The following NCOA7 variants were observed in gnomAD, a reference collection of about 807,000 sequenced individuals.
The protein encoded by NCOA7 is 140 kDa estrogen receptor-associated protein.
NCOA7 carries 45 observed loss-of-function variants against 104.3 expected under a neutral mutation model. The observed-to-expected ratio is 0.43, with a 90% CI of 0.34 to 0.55. The LOEUF is 0.55. Among genes scored for constraint, NCOA7 ranks in the 20% least tolerant of loss-of-function variants. NCOA7 has a pLI of 0.02. For missense variants in NCOA7, 1,041 were observed against 1,119.7 expected, an observed-to-expected ratio of 0.93 and a Z score of 1.00; for synonymous variants, 398 against 402.3, an observed-to-expected ratio of 0.99 and a Z score of 0.13.
intron 1 of NCOA7, among the ~76,000 whole-genome samples, chr6:125,810,600 A>G (rs1013446687): frequency 2.6e-5 from 4 of 152,228 alleles, no homozygotes; most frequent in Non-Finnish European, 5.9e-5. Flanking sequence ...TAAGAAGCCC[A>G]TTATGACCAC....
At chr6:125,878,063 G>A (rs576299844) in intron 4 of NCOA7, among the ~76,000 whole-genome samples, 200 bp from the exon 5 acceptor site, 1 of 152,182 alleles carries the variant, frequency 6.6e-6, no homozygotes, top group South Asian at 2.1e-4. Flanking sequence ...AAATGAGGAA[G>A]CCCAGAAATG....
intron 2 of NCOA7, among the ~76,000 whole-genome samples, chr6:125,826,151 C>A (rs1778639060): frequency 6.6e-6 from 1 of 151,822 alleles, no homozygotes; most frequent in South Asian, 2.1e-4. Flanking sequence ...ACAGTGAAAC[C>A]CCATCTCCAC....
chr6:125,881,275 A>G (rs1335627236), intron 6 of NCOA7, 72 bp downstream of exon 6: 3 of 1,092,010 alleles, frequency 2.7e-6, no homozygotes, highest in Non-Finnish European at 2.8e-6. Flanking sequence ...TCAACATGTT[A>G]TTTTTCACAA....
At position 125,922,688 on chromosome 6, in the gene NCOA7, C is replaced by A; in HGVS notation, c.2377C>A (p.Arg793=). 1.2e-6 allele frequency: 2 copies of A among 1,611,950 alleles called. No individual in the cohort carries two copies. Among genetic ancestry groups the A allele is most frequent in the Non-Finnish European group, 1.7e-6 (2 of 1,179,324 alleles). The change falls in exon 13 of 16, where the codon CGA becomes AGA. Residue 793 remains arginine, a synonymous_variant. Coordinates refer to ENST00000392477, the MANE Select transcript of NCOA7 (RefSeq NM_181782.5). ...LENMHIEQLA[R]RLPARVQGYP... is the part of the protein sequence containing the mutation. The stretch of plus-strand genomic sequence containing the variant: ...TCTTCCTTTGGCTTTGTAGCTGGCC[C>A]GACGCCTTCCTGCAAGGGTGCAAGG...
chr6:125,797,265 T>C (rs143964981), intron 1 of NCOA7, among the ~76,000 whole-genome samples: 1,962 of 152,282 alleles, frequency 0.013, 18 homozygotes, highest in Middle Eastern at 0.024. Flanking sequence ...AAGAAGTGAC[T>C]CCTAAGTAGG....
At chr6:125,833,113 C>G (rs1779321430) in intron 2 of NCOA7, among the ~76,000 whole-genome samples, 1 of 152,124 alleles carries the variant, frequency 6.6e-6, no homozygotes, top group Non-Finnish European at 1.5e-5. Context: ...CAGAGTGAAA[C>G]TATTGGCACT....
At chr6:125,813,227 G>A (rs1215140096) in intron 1 of NCOA7, among the ~76,000 whole-genome samples, 1 of 152,120 alleles carries the variant, frequency 6.6e-6, no homozygotes, top group African/African-American at 2.4e-5. Flanking sequence ...ATGAGCAATT[G>A]ATGGCCTCTG....
At chr6:125,848,770 C>T (rs1780855835) in intron 2 of NCOA7, among the ~76,000 whole-genome samples, 1 of 152,066 alleles carries the variant, frequency 6.6e-6, no homozygotes, top group Non-Finnish European at 1.5e-5. Flanking sequence ...GCATGTTGTG[C>T]ACAAGTACCC....
intron 2 of NCOA7, among the ~76,000 whole-genome samples, chr6:125,831,441 T>C (rs1779175356): frequency 1.3e-5 from 2 of 152,152 alleles, no homozygotes; most frequent in Non-Finnish European, 2.9e-5. Context: ...ACTCGGTGTG[T>C]CATTTCCAAA....
In NCOA7 at chr6:125,889,507, G is replaced by A; in HGVS notation, c.1453G>A (p.Glu485Lys). Residue 485 changes from glutamate (E) to lysine (K), a missense_variant, in exon 9 of 16, where the codon GAA (glutamate) becomes AAA (lysine). By Grantham distance (56) the Glu-to-Lys change is moderately conservative. Transcript: ENST00000392477. ...TGAACTGAAGGGGGCGCTAGATTTA[G>A]AAACCTGTGAGAAGCAAGATATAAT... Reference protein sequence around the residue: ...DVELKGALDLETCEKQDIMPE... With the variant: ...DVELKGALDLKTCEKQDIMPE... 1 of 1,614,124 alleles carries A rather than the reference G, an allele frequency of 6.2e-7. No homozygotes were observed.
chr6:125,788,261 A>G (rs1474039757), upstream of NCOA7, among the ~76,000 whole-genome samples: 1 of 152,240 alleles, frequency 6.6e-6, no homozygotes, highest in Non-Finnish European at 1.5e-5. Flanking sequence ...GGCTACAAGT[A>G]GCTAAGGCAT....
At chr6:125,927,072 A>G (rs900819772) in intron 13 of NCOA7, among the ~76,000 whole-genome samples, 4 of 152,222 alleles carry the variant, frequency 2.6e-5, no homozygotes, top group Admixed American at 2.0e-4. Context: ...CCATGATATT[A>G]CGGGGTTATT....
chr6:125,791,891 C>T (rs1329571744), intron 1 of NCOA7, among the ~76,000 whole-genome samples: 1 of 152,140 alleles, frequency 6.6e-6, no homozygotes, highest in Non-Finnish European at 1.5e-5. Flanking sequence ...GTTTATACAT[C>T]AGAGCTTTTG....
At chr6:125,827,181 T>C (rs1471803054) in intron 2 of NCOA7, among the ~76,000 whole-genome samples, 1 of 75,928 alleles carries the variant, frequency 1.3e-5, no homozygotes, top group Admixed American at 2.1e-4. Context: ...AGAGTGAAAC[T>C]CCATCTCAAA....
chr6:125,921,108 C>G, intron 12 of NCOA7, 40 bp downstream of exon 12: 2 of 1,597,476 alleles, frequency 1.3e-6, no homozygotes, highest in Non-Finnish European at 8.5e-7. Flanking sequence ...GGTTCCTAGG[C>G]TTTAAGAAAT....
chr6:125,841,121 G>C (rs1780126489), intron 2 of NCOA7, among the ~76,000 whole-genome samples: 1 of 150,942 alleles, frequency 6.6e-6, no homozygotes, highest in Non-Finnish European at 1.5e-5. Context: ...TTGAACTCCT[G>C]ACCTAGAGAT....
intron 2 of NCOA7, among the ~76,000 whole-genome samples, chr6:125,825,497 G>A (rs886889962): frequency 1.6e-4 from 25 of 152,160 alleles, no homozygotes; most frequent in Non-Finnish European, 2.9e-5. Flanking sequence ...TATTACTGTT[G>A]ATTATGACAT....
chr6:125,902,056 T>C (rs1316642700), intron 10 of NCOA7, among the ~76,000 whole-genome samples: 1 of 152,096 alleles, frequency 6.6e-6, no homozygotes, highest in Non-Finnish European at 1.5e-5. Flanking sequence ...CCAGTGGAGC[T>C]TGTGGTTTTT....
At chr6:125,852,230 C>G (rs1781188929) in intron 2 of NCOA7, among the ~76,000 whole-genome samples, 1 of 152,104 alleles carries the variant, frequency 6.6e-6, no homozygotes, top group Non-Finnish European at 1.5e-5. Context: ...GAGTCTTTCT[C>G]TGTCGCCCAG....
Sources: allele counts gnomAD v4.1 joint callset (sites outside exome capture counted in the v4.1 genomes callset), GRCh38; gene constraint gnomAD v4.1.1; transcripts MANE v1.5; gene names NCBI Gene and HGNC (gene_info 2026-07-23, HGNC 2026-07-21).